KCNN2: variants seen among roughly 807,000 people sequenced by gnomAD.
The protein encoded by KCNN2 is small conductance calcium-activated potassium channel protein 2.
A neutral mutation model predicts 55.5 loss-of-function variants in KCNN2; 24 were observed. That is an observed-to-expected ratio of 0.43 (90% CI 0.31 to 0.61). The LOEUF is 0.61. Ranked by LOEUF, KCNN2 falls within the 20% of genes least tolerant of loss-of-function variation. The probability of loss-of-function intolerance (pLI) is 0.08; values close to 1 mark genes in which losing one functional copy is unlikely to be tolerated. For missense variants in KCNN2, 754 were observed against 853.6 expected, an observed-to-expected ratio of 0.88 and a Z score of 1.45; for synonymous variants, 431 against 336.1, an observed-to-expected ratio of 1.28 and a Z score of -3.09.
intron 2 of KCNN2, among the ~76,000 whole-genome samples, chr5:114,401,724 G>A (rs1011207268): frequency 6.6e-6 from 1 of 152,160 alleles, no homozygotes; most frequent in East Asian, 1.9e-4. Context: ...GCTAGATGGA[G>A]ACTTTCCAGG....
chr5:114,365,595 C>G (rs867415527), intron 2 of KCNN2, among the ~76,000 whole-genome samples: 11 of 152,282 alleles, frequency 7.2e-5, no homozygotes, highest in African/African-American at 2.4e-4. Flanking sequence ...CAGTGAGAAC[C>G]AGCCCTATCC....
chr5:114,279,862 G>A (rs1242178867), intron 2 of KCNN2, among the ~76,000 whole-genome samples: 10 of 152,084 alleles, frequency 6.6e-5, no homozygotes, highest in South Asian at 6.2e-4. Flanking sequence ...CTAGATCCTC[G>A]AGGAATTGCC....
At chr5:114,075,062 G>T (rs1750658237) in intron 1 of KCNN2, among the ~76,000 whole-genome samples, 1 of 152,138 alleles carries the variant, frequency 6.6e-6, no homozygotes, top group South Asian at 2.1e-4. Context: ...ACTATGCCCA[G>T]GAGCCAGTTA....
Position 114,194,416 on chromosome 5 carries a change from T to A in KCNN2, c.-270-27064T>A, listed in dbSNP as rs370598377. On this transcript the variant is annotated intron_variant, in intron 1 of 10. Transcript: ENST00000512097. The stretch of plus-strand genomic sequence containing the variant: ...CCTAGTGGAGTGAAGTGGTAACTCA[T>A]TGAAATTTTGATTTGCATTTCTCTG... Among the ~76,000 whole-genome samples the A allele has an allele frequency of 2.0e-5, 3 of 152,086 alleles. No homozygotes were observed. The East Asian group carries it at 5.8e-4, about 29-fold the overall frequency.
intron 2 of KCNN2, among the ~76,000 whole-genome samples, chr5:114,337,107 G>T (rs1756935958): frequency 6.6e-6 from 1 of 152,142 alleles, no homozygotes; most frequent in South Asian, 2.1e-4. Context: ...AGAAGTTGTT[G>T]CAGTCATCAA....
At chr5:114,466,847 C>T (rs1761476978) in intron 4 of KCNN2, among the ~76,000 whole-genome samples, 1 of 152,126 alleles carries the variant, frequency 6.6e-6, no homozygotes, top group Non-Finnish European at 1.5e-5. Context: ...ACTGAGGACA[C>T]TTCAGATATC....
intron 3 of KCNN2, among the ~76,000 whole-genome samples, chr5:114,427,631 C>G (rs1580821741): frequency 6.6e-6 from 1 of 152,194 alleles, no homozygotes; most frequent in African/African-American, 2.4e-5. Context: ...TGTATGTGCT[C>G]ATTTCTCCTG....
At position 114,233,172 on chromosome 5, in the gene KCNN2, G is replaced by A. The variant is rs953644187; in HGVS notation, c.-185+11607G>A. 9.3e-5 allele frequency among the ~76,000 whole-genome samples: 14 copies of A among 151,006 alleles called. No individual in the cohort carries two copies. In the Middle Eastern group the frequency reaches 0.01, roughly 111 times the overall value. On this transcript the variant is annotated intron_variant, in intron 2 of 10. Transcript: ENST00000512097. ...CCTGACCTCGTGATCCGCCCGCCTCGGCCTCCCAAAGTGCTGGGATTACAG... is the reference window on the plus strand; with the variant it reads ...CCTGACCTCGTGATCCGCCCGCCTCAGCCTCCCAAAGTGCTGGGATTACAG...
chr5:114,221,694 C>G (rs1187072159), intron 2 of KCNN2, among the ~76,000 whole-genome samples: 1 of 152,122 alleles, frequency 6.6e-6, no homozygotes, highest in African/African-American at 2.4e-5. Context: ...AAACTATTTT[C>G]AATTTAGTGA....
chr5:114,145,259 A>G (rs1190671273), intron 1 of KCNN2, among the ~76,000 whole-genome samples: 1 of 152,258 alleles, frequency 6.6e-6, no homozygotes, highest in Non-Finnish European at 1.5e-5. Flanking sequence ...AATCATTAGT[A>G]ATATGACCTT....
chr5:114,130,950 G>C (rs887907963), intron 1 of KCNN2, among the ~76,000 whole-genome samples: 5 of 152,108 alleles, frequency 3.3e-5, no homozygotes, highest in African/African-American at 1.2e-4. Flanking sequence ...CTGAGTCTGG[G>C]ACAAACTTCA....
chr5:114,215,057 G>A (rs1168881504), intron 1 of KCNN2, among the ~76,000 whole-genome samples: 1 of 152,072 alleles, frequency 6.6e-6, no homozygotes, highest in African/African-American at 2.4e-5. Context: ...GAGGAGGAGT[G>A]TACTGATTTG....
Position 114,108,120 on chromosome 5 carries a change from C to T in KCNN2, c.-271+51620C>T, listed in dbSNP as rs369994191. Among the ~76,000 whole-genome samples, 5 of 151,880 alleles carry T rather than the reference C, an allele frequency of 3.3e-5. No individual in the cohort carries two copies. The South Asian group carries it at 8.3e-4, about 25-fold the overall frequency. On this transcript the variant is annotated intron_variant, in intron 1 of 10. Transcript: ENST00000512097. ...TTATTTTCTTTTTTTGAAAGCCTCT[C>T]TAGGACAGTGTTGCATAGAACTGGT...
chr5:114,196,144 C>A (rs989174940), intron 1 of KCNN2, among the ~76,000 whole-genome samples: 1 of 151,818 alleles, frequency 6.6e-6, no homozygotes, highest in African/African-American at 2.4e-5. Context: ...GCCCTCTATT[C>A]TATTAATATA....
At chr5:114,272,755 T>C (rs1755382260) in intron 2 of KCNN2, among the ~76,000 whole-genome samples, 1 of 152,214 alleles carries the variant, frequency 6.6e-6, no homozygotes, top group African/African-American at 2.4e-5. Flanking sequence ...CCCAGTTCCC[T>C]TACTGAATAT....
chr5:114,181,823 C>T (rs1204900601), intron 1 of KCNN2, among the ~76,000 whole-genome samples: 2 of 152,034 alleles, frequency 1.3e-5, no homozygotes, highest in Admixed American at 6.6e-5. Flanking sequence ...TCGAGACCAG[C>T]CTGGCCATGG....
chr5:114,145,302 G>A (rs1484482637), intron 1 of KCNN2, among the ~76,000 whole-genome samples: 2 of 152,180 alleles, frequency 1.3e-5, no homozygotes, highest in East Asian at 3.9e-4. Flanking sequence ...ATAGTGAGAA[G>A]AATTAAATAA....
At chr5:114,410,921 C>T (rs906907638) in intron 3 of KCNN2, among the ~76,000 whole-genome samples, 2 of 152,058 alleles carry the variant, frequency 1.3e-5, no homozygotes, top group Admixed American at 6.5e-5. Flanking sequence ...AATGACTTAA[C>T]AATAATTTGC....
At chr5:114,126,323 A>T in intron 1 of KCNN2, among the ~76,000 whole-genome samples, 1 of 152,044 alleles carries the variant, frequency 6.6e-6, no homozygotes, top group East Asian at 1.9e-4. Flanking sequence ...AGTTTAATTG[A>T]CTCACAGTTC....
Sources: allele counts gnomAD v4.1 joint callset (sites outside exome capture counted in the v4.1 genomes callset), GRCh38; gene constraint gnomAD v4.1.1; transcripts MANE v1.5; gene names NCBI Gene and HGNC (gene_info 2026-07-23, HGNC 2026-07-21).